SIL1: variants seen among roughly 807,000 people sequenced by gnomAD.
SIL1 encodes the protein SIL1 nucleotide exchange factor, also known as nucleotide exchange factor SIL1.
In SIL1, 40 loss-of-function variants were observed where a neutral mutation model predicts 49.1. That is an observed-to-expected ratio of 0.81 (90% CI 0.63 to 1.06). The LOEUF is 1.06. Among genes scored for constraint, SIL1 ranks in the 50% least tolerant of loss-of-function variants. The pLI, the probability that SIL1 is intolerant of heterozygous loss-of-function variation, is 0.00. For missense variants in SIL1, 500 were observed against 572.6 expected, an observed-to-expected ratio of 0.87 and a Z score of 1.29; for synonymous variants, 253 against 250.8, an observed-to-expected ratio of 1.01 and a Z score of -0.08.
chr5:138,982,228 T>A (rs1448979925), intron 7 of SIL1, among the ~76,000 whole-genome samples: 1 of 152,212 alleles, frequency 6.6e-6, no homozygotes, highest in African/African-American at 2.4e-5. Flanking sequence ...TAAACTTTTG[T>A]CAAATGAGCT....
At chr5:138,964,393 C>G (rs1767090370) in intron 7 of SIL1, among the ~76,000 whole-genome samples, 1 of 152,074 alleles carries the variant, frequency 6.6e-6, no homozygotes, top group Non-Finnish European at 1.5e-5. Flanking sequence ...AATGGAGGAG[C>G]TGAGCAGGAG....
intron 7 of SIL1, among the ~76,000 whole-genome samples, chr5:138,994,435 TATG>T (rs1420199611): frequency 2.0e-5 from 3 of 152,154 alleles, no homozygotes; most frequent in Non-Finnish European, 2.9e-5. Flanking sequence ...TGGAAAAAAT[TATG>T]ATGTTTTATT....
At chr5:139,061,122 A>C (rs1440341615) in intron 3 of SIL1, among the ~76,000 whole-genome samples, 1 of 152,228 alleles carries the variant, frequency 6.6e-6, no homozygotes, top group Non-Finnish European at 1.5e-5. Flanking sequence ...TGATAGTTTT[A>C]CCTATTAACA....
chr5:139,171,674 G>A (rs1200759236), intron 1 of SIL1, among the ~76,000 whole-genome samples: 4 of 141,656 alleles, frequency 2.8e-5, no homozygotes, highest in East Asian at 4.1e-4. Context: ...CCCCCTCTGC[G>A]AGAAACACCC....
intron 1 of SIL1, among the ~76,000 whole-genome samples, chr5:139,174,432 G>A (rs1751837597): frequency 6.6e-6 from 1 of 152,134 alleles, no homozygotes; most frequent in South Asian, 2.1e-4. Context: ...AGGAGGTCAT[G>A]ACTACGCCAC....
intron 3 of SIL1, among the ~76,000 whole-genome samples, chr5:139,119,862 T>C (rs1306789031): frequency 1.3e-5 from 2 of 152,198 alleles, no homozygotes; most frequent in African/African-American, 4.8e-5. Flanking sequence ...TTTTAGTCCT[T>C]AAGGACCAGT....
chr5:138,987,531 G>A (rs1767671966), intron 7 of SIL1, among the ~76,000 whole-genome samples: 2 of 152,348 alleles, frequency 1.3e-5, no homozygotes, highest in Admixed American at 6.5e-5. Context: ...TTTTCAATGT[G>A]TAGGACCTCT....
At chr5:138,971,221 A>C (rs1440486017) in intron 7 of SIL1, among the ~76,000 whole-genome samples, 2 of 152,152 alleles carry the variant, frequency 1.3e-5, no homozygotes, top group African/African-American at 2.4e-5. Flanking sequence ...ACATTGTTTT[A>C]TACCACCCCA....
chr5:139,111,602 G>A lies in SIL1; in HGVS notation c.244+9433C>T, dbSNP rs77829801. ...CTGTCATGCCCACCATGGTATCCCT[G>A]GCATCAAGCACTATACTTCCAGGAG... On this transcript the variant is annotated intron_variant, in intron 3 of 9. Transcript: ENST00000394817. Among the ~76,000 whole-genome samples, 210 of 152,224 alleles carry A rather than the reference G, an allele frequency of 1.4e-3. 4 individuals carry two copies. The East Asian group carries it at 0.04, about 29-fold the overall frequency.
intron 7 of SIL1, among the ~76,000 whole-genome samples, chr5:138,988,932 G>C (rs1379597194): frequency 6.6e-6 from 1 of 152,156 alleles, no homozygotes; most frequent in East Asian, 1.9e-4. Context: ...ACAGAATGAT[G>C]AATCTACAGT....
chr5:139,057,859 G>A (rs1769490123), intron 3 of SIL1, among the ~76,000 whole-genome samples: 1 of 152,188 alleles, frequency 6.6e-6, no homozygotes, highest in Non-Finnish European at 1.5e-5. Flanking sequence ...GTTCCTCACA[G>A]AAGGTGCCTT....
intron 7 of SIL1, among the ~76,000 whole-genome samples, chr5:139,008,029 A>C (rs1768162733): frequency 6.6e-6 from 1 of 152,250 alleles, no homozygotes; most frequent in Admixed American, 6.5e-5. Flanking sequence ...TAGTTTCAGA[A>C]GGAATGGTAC....
intron 3 of SIL1, among the ~76,000 whole-genome samples, chr5:139,092,007 C>T (rs769532406): frequency 6.6e-6 from 1 of 152,172 alleles, no homozygotes; most frequent in East Asian, 1.9e-4. Flanking sequence ...AAACAGCAGA[C>T]AGGCAGAGCT....
intron 5 of SIL1, among the ~76,000 whole-genome samples, chr5:139,041,880 T>C (rs1428577352): frequency 6.7e-6 from 1 of 148,964 alleles, no homozygotes; most frequent in African/African-American, 2.5e-5. Context: ...GAGGGAGAAC[T>C]TAGGTCTCTA....
intron 3 of SIL1, among the ~76,000 whole-genome samples, chr5:139,112,598 T>C (rs1282015812): frequency 7.3e-6 from 1 of 137,758 alleles, no homozygotes; most frequent in Non-Finnish European, 1.5e-5. Flanking sequence ...GTGAGGAGTG[T>C]CTCCGCCCGG....
At position 138,984,329 on chromosome 5, in the gene SIL1, G is replaced by A. The variant is rs577748387; in HGVS notation, c.768-32445C>T. On this transcript the variant is annotated intron_variant, in intron 7 of 9. Coordinates refer to ENST00000394817, the MANE Select transcript of SIL1 (RefSeq NM_022464.5). ...ATCCCACCAACCCTCCCTCTCTTAC[G>A]GTGTTTTTTTTTTTGTTTGCTTTTG... Among the ~76,000 whole-genome samples the A allele has an allele frequency of 7.7e-5, 10 of 129,272 alleles. No homozygotes were observed. The East Asian group carries it at 1.6e-3, about 21-fold the overall frequency. 84.8% of individuals were successfully genotyped at this position (129,272 alleles called of 152,430 possible). A position where few individuals can be genotyped will look rare whatever the true frequency, so the allele number is the denominator to read the frequency against.
chr5:139,020,872 T>C (rs919697134), intron 7 of SIL1, among the ~76,000 whole-genome samples: 2 of 152,146 alleles, frequency 1.3e-5, no homozygotes, highest in Non-Finnish European at 2.9e-5. Flanking sequence ...TTCCCCTCCC[T>C]CTCTACTATT....
At chr5:139,166,794 A>G (rs756155544) in intron 1 of SIL1, among the ~76,000 whole-genome samples, 3 of 151,576 alleles carry the variant, frequency 2.0e-5, no homozygotes, top group African/African-American at 4.9e-5. Flanking sequence ...ACAGGCACAC[A>G]CCAGCACACC....
At chr5:139,110,651 C>T (rs1770820555) in intron 3 of SIL1, among the ~76,000 whole-genome samples, 5 of 152,232 alleles carry the variant, frequency 3.3e-5, no homozygotes, top group Admixed American at 3.3e-4. Flanking sequence ...GCTCACAGAG[C>T]CCCTGCACAC....
Sources: gnomAD v4.1 joint callset for allele counts (sites outside exome capture counted in the v4.1 genomes callset) on GRCh38, gnomAD v4.1.1 for gene constraint, MANE v1.5 for transcripts, NCBI Gene and HGNC (gene_info 2026-07-23, HGNC 2026-07-21) for gene names.